The following TMEM132D variants were observed in gnomAD, a reference collection of about 807,000 sequenced individuals.
TMEM132D encodes the protein mature OL transmembrane protein.
A neutral mutation model predicts 62.3 loss-of-function variants in TMEM132D; 21 were observed. The ratio of observed to expected loss-of-function variants is 0.34; its 90% CI spans 0.24 to 0.49. The LOEUF (loss-of-function observed/expected upper bound fraction) is 0.49. TMEM132D is among the 20% of genes least tolerant of loss of function. The pLI, the probability that TMEM132D is intolerant of heterozygous loss-of-function variation, is 0.99. For synonymous variants in TMEM132D, 621 were observed against 575.6 expected (o/e 1.08, Z -1.13); for missense variants, 1,346 against 1,402.8 (o/e 0.96, Z 0.65).
intron 2 of TMEM132D, among the ~76,000 whole-genome samples, chr12:129,689,305 T>C (rs1881005776): frequency 6.6e-6 from 1 of 152,168 alleles, no homozygotes; most frequent in African/African-American, 2.4e-5. Flanking sequence ...TGATTCCTGA[T>C]CAGATATAGA....
chr12:129,556,586 G>C (rs1435051553), intron 2 of TMEM132D, among the ~76,000 whole-genome samples: 3 of 152,050 alleles, frequency 2.0e-5, no homozygotes, highest in African/African-American at 7.2e-5. Context: ...TTAAAGCAGT[G>C]AATAGAAATA....
chr12:129,595,949 C>T (rs528787874), intron 2 of TMEM132D, among the ~76,000 whole-genome samples: 1 of 152,180 alleles, frequency 6.6e-6, no homozygotes, highest in South Asian at 2.1e-4. Context: ...ATCCCACTGA[C>T]ACACTTGGGA....
chr12:129,878,322 T>G (rs758176315), intron 1 of TMEM132D, among the ~76,000 whole-genome samples: 13 of 152,218 alleles, frequency 8.5e-5, no homozygotes, highest in African/African-American at 1.2e-4. Context: ...TTACTGTAAT[T>G]AAGCTTTGCT....
At chr12:129,508,942 A>G (rs1285791112) in intron 3 of TMEM132D, among the ~76,000 whole-genome samples, 1 of 151,874 alleles carries the variant, frequency 6.6e-6, no homozygotes, top group East Asian at 1.9e-4. Flanking sequence ...AGAGATCTAC[A>G]TTTGGATATA....
intron 4 of TMEM132D, among the ~76,000 whole-genome samples, chr12:129,246,826 A>G (rs1318842200): frequency 1.3e-5 from 2 of 152,158 alleles, no homozygotes; most frequent in Admixed American, 1.3e-4. Context: ...ATGTTTTGAT[A>G]TGTAAGACAG....
chr12:129,365,397 A>C (rs753170168), intron 3 of TMEM132D, among the ~76,000 whole-genome samples: 7 of 152,158 alleles, frequency 4.6e-5, no homozygotes, highest in Non-Finnish European at 8.8e-5. Context: ...AACCCTTATC[A>C]AGAGAGAATT....
intron 3 of TMEM132D, among the ~76,000 whole-genome samples, chr12:129,470,823 C>G (rs1874072651): frequency 1.3e-5 from 2 of 152,114 alleles, no homozygotes; most frequent in African/African-American, 4.8e-5. Context: ...CTTAGAAACA[C>G]AGAGGAAGCT....
intron 2 of TMEM132D, among the ~76,000 whole-genome samples, chr12:129,619,861 T>C (rs1414397218): frequency 6.6e-6 from 1 of 152,254 alleles, no homozygotes; most frequent in Non-Finnish European, 1.5e-5. Flanking sequence ...CATTTCATTT[T>C]GCAATTGAGT....
chr12:129,776,355 G>A (rs970408585), intron 1 of TMEM132D, among the ~76,000 whole-genome samples: 3 of 152,116 alleles, frequency 2.0e-5, no homozygotes, highest in South Asian at 2.1e-4. Context: ...AAGATTTGAC[G>A]GAAGTTGCCA....
chr12:129,505,860 T>C lies in TMEM132D; in HGVS notation c.1115+25199A>G, dbSNP rs578109182. ...TAACTACTCCCGCTTGCTTTTGGTG[T>C]CCATTTGCATGGAATGTCTTTTTCC... On this transcript the variant is annotated intron_variant, in intron 3 of 8. Coordinates refer to ENST00000422113, the MANE Select transcript of TMEM132D (RefSeq NM_133448.3). Among the ~76,000 whole-genome samples the C allele has an allele frequency of 9.5e-4, 144 of 152,344 alleles. 1 individual carries two copies. Among genetic ancestry groups the C allele is most frequent in the African/African-American group, 3.3e-3 (139 of 41,588 alleles).
At chr12:129,689,931 G>A (rs1027778342) in intron 2 of TMEM132D, among the ~76,000 whole-genome samples, 1 of 152,166 alleles carries the variant, frequency 6.6e-6, no homozygotes, top group Non-Finnish European at 1.5e-5. Context: ...GTAGGACAAA[G>A]CGCCACTCCC....
At chr12:129,142,234 C>A (rs1876766350) in intron 5 of TMEM132D, among the ~76,000 whole-genome samples, 1 of 152,158 alleles carries the variant, frequency 6.6e-6, no homozygotes, top group African/African-American at 2.4e-5. Context: ...GTGCAGCGAA[C>A]TTTCTGCCCC....
At position 129,306,894 on chromosome 12, in the gene TMEM132D, C is replaced by T. The variant is rs1364782909; in HGVS notation, c.1299+30740G>A. Among the ~76,000 whole-genome samples the T allele has an allele frequency of 2.6e-5, 4 of 152,220 alleles. No individual in the cohort carries two copies. The East Asian group carries it at 7.7e-4, about 29-fold the overall frequency. On this transcript the variant is annotated intron_variant, in intron 4 of 8. Coordinates refer to ENST00000422113, the MANE Select transcript of TMEM132D (RefSeq NM_133448.3). The stretch of plus-strand genomic sequence containing the variant: ...GTCTGCAGACCTGGAAGTGAGCGCC[C>T]GACTGGCCAAGGAAAAGCGGGAACA...
chr12:129,567,802 C>T (rs1877409878), intron 2 of TMEM132D, among the ~76,000 whole-genome samples: 1 of 152,032 alleles, frequency 6.6e-6, no homozygotes, highest in Non-Finnish European at 1.5e-5. Context: ...ATATGGTGCA[C>T]ATCTATAGGT....
At chr12:129,181,642 G>A (rs1878067497) in intron 5 of TMEM132D, among the ~76,000 whole-genome samples, 1 of 152,132 alleles carries the variant, frequency 6.6e-6, no homozygotes, top group Non-Finnish European at 1.5e-5. Flanking sequence ...CCCAGCTCGA[G>A]ACAAACCTGA....
At chr12:129,409,558 G>C (rs12228225) in intron 3 of TMEM132D, among the ~76,000 whole-genome samples, 35,136 of 152,122 alleles carry the variant, frequency 0.23, 4,438 homozygotes, top group East Asian at 0.37. Flanking sequence ...CCTGGTGGGT[G>C]AATCATTCGT....
At chr12:129,602,831 A>T (rs1243508620) in intron 2 of TMEM132D, among the ~76,000 whole-genome samples, 1 of 152,220 alleles carries the variant, frequency 6.6e-6, no homozygotes, top group Non-Finnish European at 1.5e-5. Context: ...GGTTCAATTG[A>T]TTCACAGTTA....
chr12:129,196,020 G>C (rs1336354495), intron 5 of TMEM132D, among the ~76,000 whole-genome samples: 1 of 152,128 alleles, frequency 6.6e-6, no homozygotes, highest in Non-Finnish European at 1.5e-5. Context: ...TCAGCTACTT[G>C]GGAGGCTGAG....
At chr12:129,458,084 T>C (rs1338071133) in intron 3 of TMEM132D, among the ~76,000 whole-genome samples, 1 of 152,162 alleles carries the variant, frequency 6.6e-6, no homozygotes, top group Non-Finnish European at 1.5e-5. Context: ...TCCCCTGTCC[T>C]TTCAGACACA....
Sources: gnomAD v4.1 joint callset for allele counts (sites outside exome capture counted in the v4.1 genomes callset) on GRCh38, gnomAD v4.1.1 for gene constraint, MANE v1.5 for transcripts, NCBI Gene and HGNC (gene_info 2026-07-23, HGNC 2026-07-21) for gene names.